RP1: variants seen among roughly 807,000 people sequenced by gnomAD.
RP1 encodes RP1 axonemal microtubule associated.
A neutral mutation model predicts 14.8 loss-of-function variants in RP1; 16 were observed. That is an observed-to-expected ratio of 1.08 (90% CI 0.73 to 1.65). The LOEUF (loss-of-function observed/expected upper bound fraction) is 1.65. RP1 is among the 40% of genes most tolerant of loss of function. The probability of loss-of-function intolerance (pLI) is 0.00; values close to 1 mark genes in which losing one functional copy is unlikely to be tolerated. For missense variants in RP1, 2,631 were observed against 2,535.0 expected (o/e 1.04, Z -0.81); for synonymous variants, 876 against 883.6 (o/e 0.99, Z 0.15).
intron 1 of RP1, among the ~76,000 whole-genome samples, chr8:54,591,344 C>T (rs547580845): frequency 6.6e-5 from 10 of 152,250 alleles, no homozygotes; most frequent in African/African-American, 2.2e-4. Flanking sequence ...GCCTTCTTTC[C>T]GTCCTTTGAG....
intron 1 of RP1, among the ~76,000 whole-genome samples, chr8:54,584,493 G>A (rs190196605): frequency 1.3e-5 from 2 of 152,322 alleles, no homozygotes; most frequent in Admixed American, 1.3e-4. Flanking sequence ...TTGGGGTGGA[G>A]AGTTCTGCAG....
chr8:54,640,303 C>T (rs771005643), intron 3 of RP1, among the ~76,000 whole-genome samples: 4 of 152,030 alleles, frequency 2.6e-5, no homozygotes, highest in African/African-American at 7.2e-5. Context: ...TCTGCATTCT[C>T]TATTCTATTT....
intron 5 of RP1, among the ~76,000 whole-genome samples, chr8:54,655,882 A>G (rs578250469): frequency 2.6e-5 from 4 of 152,264 alleles, no homozygotes; most frequent in Non-Finnish European, 5.9e-5. Flanking sequence ...AAATAGAAAT[A>G]GGAAGATTTT....
chr8:54,843,135 A>G (rs1427676972), intron 25 of RP1, among the ~76,000 whole-genome samples: 1 of 152,172 alleles, frequency 6.6e-6, no homozygotes, highest in Non-Finnish European at 1.5e-5. Flanking sequence ...CTCTGGGTTC[A>G]AGGGATTCTC....
intron 1 of RP1, among the ~76,000 whole-genome samples, chr8:54,609,247 G>T (rs1321734562): frequency 6.6e-6 from 1 of 151,934 alleles, no homozygotes; most frequent in Non-Finnish European, 1.5e-5. Context: ...GATTACTTGA[G>T]CCTAGGAGTT....
intron 1 of RP1, among the ~76,000 whole-genome samples, chr8:54,580,286 T>C (rs1055425112): frequency 2.0e-5 from 3 of 150,492 alleles, no homozygotes; most frequent in Non-Finnish European, 4.4e-5. Context: ...GGAAGCTAAA[T>C]GTATCGTAGA....
At chr8:54,784,922 T>C (rs1810281136) in intron 24 of RP1, among the ~76,000 whole-genome samples, 1 of 152,066 alleles carries the variant, frequency 6.6e-6, no homozygotes, top group African/African-American at 2.4e-5. Flanking sequence ...TATTATTTTT[T>C]AATTTTTTTG....
At chr8:54,687,821 T>C (rs1049856515) in intron 12 of RP1, among the ~76,000 whole-genome samples, 1 of 152,210 alleles carries the variant, frequency 6.6e-6, no homozygotes, top group Non-Finnish European at 1.5e-5. Flanking sequence ...TTTGGGTATA[T>C]GCCCAGGAAT....
chr8:54,593,758 T>C (rs1039440541), intron 1 of RP1, among the ~76,000 whole-genome samples: 1 of 152,182 alleles, frequency 6.6e-6, no homozygotes, highest in African/African-American at 2.4e-5. Flanking sequence ...GTCTGCAGCC[T>C]CACCAGTGGA....
intron 17 of RP1, chr8:54,726,589 C>T: frequency 9.2e-7 from 1 of 1,081,520 alleles, no homozygotes; most frequent in Non-Finnish European, 1.2e-6. Flanking sequence ...TATGTTATAC[C>T]ACATGGACTG....
chr8:54,679,981 A>G, intron 12 of RP1: 2 of 1,503,550 alleles, frequency 1.3e-6, no homozygotes, highest in Non-Finnish European at 1.8e-6. Context: ...TCTGGGAGTT[A>G]AAGGAAGGTA....
intron 15 of RP1, among the ~76,000 whole-genome samples, chr8:54,719,667 T>C (rs1808488248): frequency 6.6e-6 from 1 of 152,238 alleles, no homozygotes; most frequent in Non-Finnish European, 1.5e-5. Context: ...TTTGTGTGCA[T>C]GCTGTTTATG....
At chr8:54,596,492 A>G (rs999667217) in intron 1 of RP1, among the ~76,000 whole-genome samples, 24 of 152,178 alleles carry the variant, frequency 1.6e-4, no homozygotes, top group Non-Finnish European at 3.1e-4. Context: ...CAAATTTCCA[A>G]TATAAGATTA....
intron 8 of RP1, among the ~76,000 whole-genome samples, chr8:54,674,536 A>C (rs1163092284): frequency 2.0e-5 from 3 of 151,676 alleles, no homozygotes; most frequent in African/African-American, 4.8e-5. Flanking sequence ...GGAAAAAAAA[A>C]CCCAAATGCA....
chr8:54,561,990 T>C (rs1005248782), intron 1 of RP1: 3 of 152,224 alleles, frequency 2.0e-5, no homozygotes, highest in African/African-American at 7.2e-5. Flanking sequence ...TTAACATAAA[T>C]GCCACTTATC....
chr8:54,586,133 T>C (rs1364248903), intron 1 of RP1, among the ~76,000 whole-genome samples: 1 of 152,234 alleles, frequency 6.6e-6, no homozygotes, highest in Admixed American at 6.5e-5. Flanking sequence ...TGGTTTTATC[T>C]ACCTTGGGTC....
chr8:54,602,770 C>T (rs1000999023), intron 1 of RP1, among the ~76,000 whole-genome samples: 1 of 152,196 alleles, frequency 6.6e-6, no homozygotes, highest in Non-Finnish European at 1.5e-5. Flanking sequence ...TTTTGATTTG[C>T]ATTTCTCTGA....
chr8:54,754,761 T>C (rs944763583), intron 19 of RP1: 5 of 1,465,136 alleles, frequency 3.4e-6, no homozygotes, highest in South Asian at 2.8e-5. Context: ...CTTTGAGAAA[T>C]TGGAGATGAC....
chr8:54,828,894 T>C (rs111930794), intron 24 of RP1, among the ~76,000 whole-genome samples: 64 of 126,030 alleles, frequency 5.1e-4, no homozygotes, highest in South Asian at 3.1e-3. Flanking sequence ...TTTTTTTTTT[T>C]TTTTTTTTTT....
Sources: allele counts gnomAD v4.1 joint callset (sites outside exome capture counted in the v4.1 genomes callset), GRCh38; gene constraint gnomAD v4.1.1; transcripts MANE v1.5; gene names NCBI Gene and HGNC (gene_info 2026-07-23, HGNC 2026-07-21).